The following C12orf60 variants were observed in gnomAD, a reference collection of about 807,000 sequenced individuals.
The protein encoded by C12orf60 is uncharacterized protein C12orf60.
For missense variants in C12orf60, 284 were observed against 283.2 expected, an observed-to-expected ratio of 1.00 and a Z score of -0.02; for synonymous variants, 102 against 94.6, an observed-to-expected ratio of 1.08 and a Z score of -0.45.
In C12orf60 at chr12:14,806,591, A is replaced by G. The variant is rs749729584; in HGVS notation, c.-25+2840A>G. ...GCTTATTGGTGACATCGAAGCTGTC[A>G]GATAAGCAATCAAGAAGCTGCTGGT... is the stretch of plus-strand genomic sequence containing the variant. On this transcript the variant is annotated intron_variant, in intron 1 of 1. Transcript: ENST00000330828. The G allele has an allele frequency of 2.5e-6, 4 of 1,614,196 alleles. No homozygotes were observed. The South Asian group carries it at 4.4e-5, about 18-fold the overall frequency.
intron 1 of C12orf60, chr12:14,805,926 T>C (rs543703519): frequency 2.9e-4 from 410 of 1,395,526 alleles, no homozygotes; most frequent in Non-Finnish European, 3.8e-4. Flanking sequence ...CTATAGAAAA[T>C]GAACCTAATC....
rs188407711 is a variant in C12orf60 at position 14,810,497 on chromosome 12, C to T, written c.-25+6746C>T. On this transcript the variant is annotated intron_variant, in intron 1 of 1. Coordinates refer to ENST00000330828, the MANE Select transcript of C12orf60 (RefSeq NM_175874.4). ...GCAAAGCATACAAAGATGAAAAAGA[C>T]ATGGTCCTTGCTTTTTTGGAATTTC... Among the ~76,000 whole-genome samples, 7 of 152,308 alleles carry T rather than the reference C, an allele frequency of 4.6e-5. No individual in the cohort carries two copies. The East Asian group carries it at 9.6e-4, about 21-fold the overall frequency.
At chr12:14,817,207 C>T (rs1306388942) in intron 1 of C12orf60, among the ~76,000 whole-genome samples, 2 of 151,952 alleles carry the variant, frequency 1.3e-5, no homozygotes, top group African/African-American at 4.8e-5. Flanking sequence ...TTTCATGTCC[C>T]ATTTTGAGTT....
chr12:14,804,624 C>T (rs1950018925), intron 1 of C12orf60: 1 of 152,082 alleles, frequency 6.6e-6, no homozygotes, highest in African/African-American at 2.4e-5. Flanking sequence ...CCAGGTAGTA[C>T]ATAAAAAAGA....
Position 14,805,715 on chromosome 12 carries a change from A to G in C12orf60, c.-25+1964A>G, listed in dbSNP as rs989567292. On this transcript the variant is annotated intron_variant, in intron 1 of 1. Coordinates refer to ENST00000330828, the MANE Select transcript of C12orf60 (RefSeq NM_175874.4). ...GAGAAAAGTAACCCCTATACTTGCT[A>G]CTCTACGATAGCATTTACCCCAATG... The G allele has an allele frequency of 2.2e-5, 7 of 322,762 alleles. 1 individual carries two copies. Among genetic ancestry groups the G allele is most frequent in the Non-Finnish European group, 2.2e-5 (4 of 177,818 alleles). The allele number at this position is 322,762 out of a possible 1,614,324, so 20.0% of individuals were successfully genotyped here.
chr12:14,804,997 C>T (rs546128121), intron 1 of C12orf60: 1 of 149,624 alleles, frequency 6.7e-6, no homozygotes, highest in African/African-American at 2.4e-5. Flanking sequence ...AGAAAACAAA[C>T]ACATCTGCAG....
At chr12:14,820,461 T>C (rs1950289012) in intron 1 of C12orf60, among the ~76,000 whole-genome samples, 1 of 152,082 alleles carries the variant, frequency 6.6e-6, no homozygotes, top group African/African-American at 2.4e-5. Flanking sequence ...TCCTTTCTAA[T>C]ATAAACACTT....
chr12:14,812,578 A>G (rs976798700), intron 1 of C12orf60, among the ~76,000 whole-genome samples: 3 of 152,044 alleles, frequency 2.0e-5, no homozygotes, highest in African/African-American at 7.2e-5. Context: ...TTCCTCCATT[A>G]TCTGGATTAT....
In C12orf60 at chr12:14,806,419, T is replaced by C. The variant is rs754930763; in HGVS notation, c.-25+2668T>C. On this transcript the variant is annotated intron_variant, in intron 1 of 1. Coordinates refer to ENST00000330828, the MANE Select transcript of C12orf60 (RefSeq NM_175874.4). ...TAGAGGGTTGGCTCTAGCTTATCTT[T>C]TAGTGCTTCATCAACCTTCTGCAAT... The C allele has an allele frequency of 9.3e-6, 15 of 1,614,236 alleles. 2 individuals are homozygous for C. In the South Asian group the frequency reaches 1.1e-4, roughly 12 times the overall value.
In C12orf60 at chr12:14,805,918, A is replaced by G. The variant is rs75082633; in HGVS notation, c.-25+2167A>G. On this transcript the variant is annotated intron_variant, in intron 1 of 1. Transcript: ENST00000330828. ...TTATTTAAGTCCATATTGGAAGCCT[A>G]TAGAAAATGAACCTAATCAAAGAAG... 2,548 of 1,330,434 alleles carry G rather than the reference A, an allele frequency of 1.9e-3. 45 individuals carry two copies. In the East Asian group the frequency reaches 0.03, roughly 16 times the overall value. 82.4% of individuals were successfully genotyped at this position (1,330,434 alleles called of 1,614,324 possible). A position where few individuals can be genotyped will look rare whatever the true frequency, so the allele number is the denominator to read the frequency against.
intron 1 of C12orf60, among the ~76,000 whole-genome samples, chr12:14,811,777 G>C (rs547288951): frequency 1.1e-4 from 16 of 152,302 alleles, no homozygotes; most frequent in African/African-American, 3.9e-4. Context: ...CAACTCTTCA[G>C]GGTACTTTCG....
rs529595788 is a variant in C12orf60, at chr12:14,813,041, A to G, written c.-25+9290A>G. On this transcript the variant is annotated intron_variant, in intron 1 of 1. Transcript: ENST00000330828. ...TTTGTTCACAAATAATCTGGAAAGAATAGTGGGGTAGGGTTATAGAGGAAA... is the reference window on the plus strand; with the variant it reads ...TTTGTTCACAAATAATCTGGAAAGAGTAGTGGGGTAGGGTTATAGAGGAAA... 1.8e-3 allele frequency among the ~76,000 whole-genome samples: 281 copies of G among 152,344 alleles called. 4 individuals carry two copies. Among genetic ancestry groups the G allele is most frequent in the Admixed American group, 9.7e-3 (148 of 15,302 alleles).
intron 1 of C12orf60, among the ~76,000 whole-genome samples, chr12:14,809,460 G>T (rs967441155): frequency 3.3e-5 from 5 of 152,092 alleles, no homozygotes; most frequent in African/African-American, 1.2e-4. Context: ...AAGAGTCAGT[G>T]AATTAATGGA....
chr12:14,810,191 G>T (rs1465303019), intron 1 of C12orf60, among the ~76,000 whole-genome samples: 1 of 152,054 alleles, frequency 6.6e-6, no homozygotes, highest in Non-Finnish European at 1.5e-5. Context: ...GGGTTTTCTT[G>T]TGCTAACATA....
chr12:14,806,141 C>G, intron 1 of C12orf60: 2 of 1,614,070 alleles, frequency 1.2e-6, no homozygotes, highest in Non-Finnish European at 1.7e-6. Context: ...CCACTGCTCC[C>G]AGGATGGCAC....
chr12:14,812,341 G>A lies in C12orf60; in HGVS notation c.-25+8590G>A, dbSNP rs565940927. ...CGCCTGTAGTCCCAGCTACTTGGGA[G>A]GCTGAGGCAGGAGAATGGCATGAGC... On this transcript the variant is annotated intron_variant, in intron 1 of 1. Coordinates refer to ENST00000330828, the MANE Select transcript of C12orf60 (RefSeq NM_175874.4). Among the ~76,000 whole-genome samples, 211 of 152,342 alleles carry A rather than the reference G, an allele frequency of 1.4e-3. 2 individuals are homozygous for A. Among genetic ancestry groups the A allele is most frequent in the African/African-American group, 4.8e-3 (199 of 41,582 alleles).
chr12:14,809,708 A>C (rs138078963), intron 1 of C12orf60, among the ~76,000 whole-genome samples: 2,131 of 152,252 alleles, frequency 0.014, 37 homozygotes, highest in African/African-American at 0.047. Context: ...TATAAGCCTA[A>C]AACCAATAAA....
chr12:14,805,988 A>G, intron 1 of C12orf60: 1 of 1,582,852 alleles, frequency 6.3e-7, no homozygotes, highest in Non-Finnish European at 8.6e-7. Flanking sequence ...CTTCAGTGGC[A>G]AATAAAACGG....
rs1248214146 is a variant in C12orf60 at position 14,818,928 on chromosome 12, C to G, written c.-24-3984C>G. 1.8e-4 allele frequency among the ~76,000 whole-genome samples: 28 copies of G among 152,198 alleles called. 1 individual carries two copies. Among genetic ancestry groups the G allele is most frequent in the Non-Finnish European group, 4.1e-4 (28 of 68,026 alleles). Reference sequence around the variant, plus strand: ...CTTAATATTAGATTGTGTGAGTCCTCTAACTCTGTTCCTTTAGAAAAATCT... The same window carrying G: ...CTTAATATTAGATTGTGTGAGTCCTGTAACTCTGTTCCTTTAGAAAAATCT... On this transcript the variant is annotated intron_variant, in intron 1 of 1. Transcript: ENST00000330828.
Sources: allele counts gnomAD v4.1 joint callset (sites outside exome capture counted in the v4.1 genomes callset), GRCh38; gene constraint gnomAD v4.1.1; transcripts MANE v1.5; gene names NCBI Gene and HGNC (gene_info 2026-07-23, HGNC 2026-07-21).